The following AGBL4 variants were observed in gnomAD, a reference collection of about 807,000 sequenced individuals.
AGBL4 encodes cytosolic carboxypeptidase 6.
A neutral mutation model predicts 66.4 loss-of-function variants in AGBL4; 58 were observed. The ratio of observed to expected loss-of-function variants is 0.87; its 90% CI spans 0.71 to 1.09. AGBL4 has a LOEUF of 1.09. AGBL4 is among the 50% of genes least tolerant of loss of function. The pLI, the probability that AGBL4 is intolerant of heterozygous loss-of-function variation, is 0.00. For missense variants in AGBL4, 579 were observed against 631.0 expected, an observed-to-expected ratio of 0.92 and a Z score of 0.88; for synonymous variants, 234 against 222.9, an observed-to-expected ratio of 1.05 and a Z score of -0.44.
chr1:49,578,034 G>A (rs1293601009), intron 3 of AGBL4, among the ~76,000 whole-genome samples: 5 of 152,138 alleles, frequency 3.3e-5, no homozygotes, highest in Non-Finnish European at 5.9e-5. Context: ...CTTATGTTCT[G>A]CTGGCCTAGA....
intron 4 of AGBL4, among the ~76,000 whole-genome samples, chr1:49,196,252 T>C (rs542649215): frequency 1.3e-5 from 2 of 152,324 alleles, no homozygotes; most frequent in East Asian, 1.9e-4. Context: ...TTTGTATGAC[T>C]GGATTAATTT....
chr1:48,938,565 T>G (rs1487657283), intron 5 of AGBL4, among the ~76,000 whole-genome samples: 1 of 152,134 alleles, frequency 6.6e-6, no homozygotes, highest in Non-Finnish European at 1.5e-5. Context: ...CTATTCCAAG[T>G]CAGGAACCCA....
intron 3 of AGBL4, among the ~76,000 whole-genome samples, chr1:49,528,347 T>A (rs1271838791): frequency 6.6e-6 from 1 of 152,114 alleles, no homozygotes; most frequent in Admixed American, 6.5e-5. Flanking sequence ...TGAGTTGATT[T>A]CTGCCACTTA....
At chr1:49,245,101 T>C (rs1016190859) in intron 4 of AGBL4, among the ~76,000 whole-genome samples, 13 of 151,728 alleles carry the variant, frequency 8.6e-5, no homozygotes, top group African/African-American at 3.1e-4. Flanking sequence ...ACAACAAATA[T>C]AAAGCATCTG....
intron 1 of AGBL4, among the ~76,000 whole-genome samples, chr1:50,013,341 T>A (rs1417964229): frequency 6.6e-6 from 1 of 152,150 alleles, no homozygotes; most frequent in Non-Finnish European, 1.5e-5. Flanking sequence ...CTAGACCATG[T>A]GTAGTTTCTA....
At chr1:48,581,122 G>C (rs577693115) in intron 11 of AGBL4, among the ~76,000 whole-genome samples, 1 of 152,090 alleles carries the variant, frequency 6.6e-6, no homozygotes, top group African/African-American at 2.4e-5. Flanking sequence ...CCTCAAAACT[G>C]TCTTCATCTT....
intron 5 of AGBL4, among the ~76,000 whole-genome samples, chr1:49,010,562 G>A (rs1413644053): frequency 1.2e-4 from 17 of 140,072 alleles, no homozygotes; most frequent in East Asian, 6.0e-4. Context: ...AAAAGAGCTC[G>A]CATCGCCAAG....
chr1:48,826,484 C>T (rs939122429), intron 6 of AGBL4, among the ~76,000 whole-genome samples: 2 of 152,116 alleles, frequency 1.3e-5, no homozygotes, highest in African/African-American at 4.8e-5. Flanking sequence ...CCACACCCAA[C>T]CAAAAGCAGG....
intron 6 of AGBL4, among the ~76,000 whole-genome samples, chr1:48,856,789 T>C (rs1647168390): frequency 6.6e-6 from 1 of 152,216 alleles, no homozygotes; most frequent in Non-Finnish European, 1.5e-5. Context: ...TGGAAGTTTC[T>C]ATCATATTTT....
intron 4 of AGBL4, among the ~76,000 whole-genome samples, chr1:49,109,309 G>A (rs558704420): frequency 9.2e-5 from 14 of 152,312 alleles, no homozygotes; most frequent in Admixed American, 9.1e-4. Flanking sequence ...TAGCACTGGA[G>A]TGCACTGTCT....
intron 6 of AGBL4, among the ~76,000 whole-genome samples, chr1:48,681,160 C>G (rs1646449113): frequency 6.6e-6 from 1 of 152,158 alleles, no homozygotes; most frequent in Admixed American, 6.5e-5. Context: ...ACTATCTGGC[C>G]TTGGGCAAAT....
At chr1:48,757,593 T>C (rs142702451) in intron 6 of AGBL4, among the ~76,000 whole-genome samples, 92 of 152,236 alleles carry the variant, frequency 6.0e-4, no homozygotes, top group African/African-American at 2.0e-3. Flanking sequence ...TCCTTTTCTA[T>C]GACAAGGGCA....
chr1:49,089,845 C>T (rs898868658), intron 4 of AGBL4, among the ~76,000 whole-genome samples: 4 of 152,056 alleles, frequency 2.6e-5, no homozygotes, highest in African/African-American at 9.7e-5. Flanking sequence ...TGCAAAAATC[C>T]TCAGCAAAAT....
At chr1:49,119,148 G>C (rs1255172197) in intron 4 of AGBL4, among the ~76,000 whole-genome samples, 2 of 152,076 alleles carry the variant, frequency 1.3e-5, no homozygotes, top group African/African-American at 4.8e-5. Context: ...CAAAAAACCA[G>C]CTCCTGGATT....
At chr1:49,827,041 T>C (rs1347053049) in intron 2 of AGBL4, among the ~76,000 whole-genome samples, 1 of 152,112 alleles carries the variant, frequency 6.6e-6, no homozygotes. Context: ...AAGGATTTGA[T>C]ATTGGTTAGC....
At chr1:49,462,171 C>A (rs1646528374) in intron 3 of AGBL4, among the ~76,000 whole-genome samples, 1 of 151,750 alleles carries the variant, frequency 6.6e-6, no homozygotes, top group Non-Finnish European at 1.5e-5. Context: ...CCAGTTCAAA[C>A]ATTCAATGAT....
At chr1:49,476,769 C>T (rs895170074) in intron 3 of AGBL4, among the ~76,000 whole-genome samples, 1 of 152,052 alleles carries the variant, frequency 6.6e-6, no homozygotes. Context: ...AGATCTTTCT[C>T]CATCCCTTTA....
intron 3 of AGBL4, among the ~76,000 whole-genome samples, chr1:49,283,460 G>A (rs534223868): frequency 1.6e-4 from 24 of 152,202 alleles, no homozygotes; most frequent in Admixed American, 2.6e-4. Context: ...AACGCAGAGC[G>A]TCTCTCCTCC....
intron 6 of AGBL4, among the ~76,000 whole-genome samples, chr1:48,803,277 C>A (rs1023784740): frequency 4.6e-5 from 7 of 152,196 alleles, no homozygotes; most frequent in African/African-American, 1.7e-4. Context: ...CAGCACTGTC[C>A]TTCAGTGCCC....
Sources: gnomAD v4.1 joint callset for allele counts (sites outside exome capture counted in the v4.1 genomes callset) on GRCh38, gnomAD v4.1.1 for gene constraint, MANE v1.5 for transcripts, NCBI Gene and HGNC (gene_info 2026-07-23, HGNC 2026-07-21) for gene names.